Variants in FAM221B observed in about 807,000 individuals in gnomAD.
The protein encoded by FAM221B is family with sequence similarity 221 member B.
Under a neutral mutation model 39.8 loss-of-function variants are expected in FAM221B, and 35 were observed. That is an observed-to-expected ratio of 0.88 (90% CI 0.67 to 1.17). FAM221B has a LOEUF of 1.17. Among genes scored for constraint, FAM221B ranks in the 50% most tolerant of loss-of-function variants. FAM221B has a pLI of 0.00. For missense variants in FAM221B, 479 were observed against 503.1 expected (o/e 0.95, Z 0.46); for synonymous variants, 158 against 178.1 (o/e 0.89, Z 0.90).
chr9:35,826,824 T>C lies in FAM221B; in HGVS notation c.1-663A>G, dbSNP rs111597166. 7.9e-3 allele frequency: 1,212 copies of C among 152,574 alleles called. 7 individuals carry two copies. The highest frequency in any genetic ancestry group is 0.017 in the Middle Eastern group (5 of 296). The allele number at this position is 152,574 out of a possible 1,614,324, so 9.5% of individuals were successfully genotyped here. ...CTGGCCTTCTCTTCTCTTCTCTTTT[T>C]GTGATGGAGTCTCGCTCTGTTGCCC... On this transcript the variant is annotated intron_variant, in intron 1 of 6. Transcript: ENST00000423537.
In FAM221B at chr9:35,826,231, A is replaced by C. The variant is rs552491445; in HGVS notation, c.1-70T>G. 3 of 1,196,478 alleles carry C rather than the reference A, an allele frequency of 2.5e-6. No homozygotes were observed. In the East Asian group the frequency reaches 7.0e-5, roughly 28 times the overall value. 74.1% of individuals were successfully genotyped at this position (1,196,478 alleles called of 1,614,324 possible). A position where few individuals can be genotyped will look rare whatever the true frequency, so the allele number is the denominator to read the frequency against. On this transcript the variant is annotated intron_variant, in intron 1 of 6. Transcript: ENST00000423537. ...GGGCCGGCAAGTCAGGGCAGAGCCCAGGGTTCGCAGTGCATTATGGAATTT... is the reference window on the plus strand; with the variant it reads ...GGGCCGGCAAGTCAGGGCAGAGCCCCGGGTTCGCAGTGCATTATGGAATTT...
At chr9:35,818,788 G>A (rs180729015) in intron 6 of FAM221B, 102 bp downstream of exon 6, 407 of 1,472,380 alleles carry the variant, frequency 2.8e-4, no homozygotes, top group Non-Finnish European at 3.4e-4. Context: ...CTGAGGGAGC[G>A]CGCTAGTCCT....
At chr9:35,819,469 C>T (rs1829093962) in intron 4 of FAM221B, 75 bp from the exon 5 acceptor site, 6 of 1,324,370 alleles carry the variant, frequency 4.5e-6, no homozygotes, top group South Asian at 1.4e-5. Flanking sequence ...ATCCTCCATC[C>T]CCACCACCCC....
At chr9:35,826,693 T>A (rs900612094) in intron 1 of FAM221B, 1 of 155,466 alleles carries the variant, frequency 6.4e-6, no homozygotes, top group African/African-American at 2.4e-5. Context: ...TCATTCATGT[T>A]CAAAGCTTTA....
intron 3 of FAM221B, among the ~76,000 whole-genome samples, chr9:35,824,768 A>G (rs1447143248): frequency 2.8e-5 from 4 of 141,208 alleles, no homozygotes; most frequent in Non-Finnish European, 4.5e-5. Context: ...TGCAAGCTCC[A>G]CCTCCCGGGT....
At chr9:35,821,635 T>C in intron 3 of FAM221B, 1 of 1,366,034 alleles carries the variant, frequency 7.3e-7, no homozygotes, top group Non-Finnish European at 9.8e-7. Flanking sequence ...CTGTCTGGAG[T>C]AGCAGGATAC....
intron 1 of FAM221B, among the ~76,000 whole-genome samples, chr9:35,827,273 A>C (rs1289260651): frequency 6.6e-6 from 1 of 152,096 alleles, no homozygotes; most frequent in Non-Finnish European, 1.5e-5. Flanking sequence ...TCTCCCTTCC[A>C]ATTTTATTCA....
chr9:35,819,813 T>C lies in FAM221B; in HGVS notation c.853+77A>G, dbSNP rs1829106495. 4.9e-6 allele frequency: 6 copies of C among 1,225,096 alleles called. 1 individual carries two copies. The South Asian group carries it at 6.3e-5, about 13-fold the overall frequency. The allele number at this position is 1,225,096 out of a possible 1,614,324, so 75.9% of individuals were successfully genotyped here. On this transcript the variant is annotated intron_variant, in intron 4 of 6. Coordinates refer to ENST00000423537, the MANE Select transcript of FAM221B (RefSeq NM_001012446.4). ...AGCCACCGTGCCCAGCCACATGCTC[T>C]CTCTCATACTTCCCAAGACATGACA...
chr9:35,820,710 T>C (rs1007206846), intron 3 of FAM221B, among the ~76,000 whole-genome samples: 2 of 152,104 alleles, frequency 1.3e-5, no homozygotes, highest in Non-Finnish European at 2.9e-5. Flanking sequence ...CCAAAAATTA[T>C]ATATTTTGAG....
chr9:35,826,516 T>A (rs1427796887), intron 1 of FAM221B, among the ~76,000 whole-genome samples: 3 of 152,122 alleles, frequency 2.0e-5, no homozygotes, highest in Non-Finnish European at 4.4e-5. Flanking sequence ...CCTTGGCATA[T>A]CTTAAAACCC....
chr9:35,821,713 C>A, intron 3 of FAM221B: 1 of 904,642 alleles, frequency 1.1e-6, no homozygotes, highest in Non-Finnish European at 1.6e-6. Context: ...CAGTCAAGTC[C>A]AAGCACTAGT....
At chr9:35,822,568 C>T (rs1375563319) in intron 3 of FAM221B, among the ~76,000 whole-genome samples, 6 of 152,038 alleles carry the variant, frequency 3.9e-5, no homozygotes, top group Non-Finnish European at 7.4e-5. Context: ...CCACCACACC[C>T]GGCTAATTTT....
At position 35,828,090 on chromosome 9, in the gene FAM221B, G is replaced by A. The variant is rs919430021; in HGVS notation, c.-1+373C>T. Among the ~76,000 whole-genome samples the A allele has an allele frequency of 3.3e-5, 5 of 152,008 alleles. No individual in the cohort carries two copies. The highest frequency in any genetic ancestry group is 7.4e-5 in the Non-Finnish European group (5 of 67,986). ...GTGGATCACTTGAGGTCAGGAGTTC[G>A]AGACCAGCCTGGCCAACATGGTGAA... On this transcript the variant is annotated intron_variant, in intron 1 of 6. Coordinates refer to ENST00000423537, the MANE Select transcript of FAM221B (RefSeq NM_001012446.4). This position sits in a 1 kb window ranked among gnomAD's most constrained non-coding sequence, Gnocchi z 4.5.
chr9:35,827,347 T>C (rs1031591076), intron 1 of FAM221B, among the ~76,000 whole-genome samples: 5 of 152,258 alleles, frequency 3.3e-5, no homozygotes, highest in Non-Finnish European at 7.3e-5. Flanking sequence ...CACAGCATTT[T>C]AATCCATTCA....
chr9:35,825,143 C>T lies in FAM221B; in HGVS notation c.742+87G>A. On this transcript the variant is annotated intron_variant, in intron 3 of 6. Coordinates refer to ENST00000423537, the MANE Select transcript of FAM221B (RefSeq NM_001012446.4). This position sits in a 1 kb window ranked among gnomAD's most constrained non-coding sequence, Gnocchi z 4.2. ...AGCCATTTCCAAAAGGGGAAGCTAT[C>T]TGCTGAATGTTCAGGTTCCCAGATC... is the stretch of plus-strand genomic sequence containing the variant. 1 of 1,503,372 alleles carries T rather than the reference C, an allele frequency of 6.7e-7. No homozygotes were observed. Among genetic ancestry groups the T allele is most frequent in the Non-Finnish European group, 9.1e-7 (1 of 1,101,296 alleles). 93.1% of individuals were successfully genotyped at this position (1,503,372 alleles called of 1,614,324 possible).
Position 35,825,632 on chromosome 9 carries a change from C to A in FAM221B, c.530G>T (p.Gly177Val). 1 of 1,614,218 alleles carries A rather than the reference C, an allele frequency of 6.2e-7. No individual in the cohort carries two copies. Among genetic ancestry groups the A allele is most frequent in the Non-Finnish European group, 8.5e-7 (1 of 1,180,040 alleles). The part of the protein sequence containing the change: ...DTTEKQEEEA[G>V]EVEKGVDASD... The stretch of plus-strand genomic sequence containing the variant: ...GGCATCTACTCCCTTTTCAACCTCT[C>A]CTGCTTCTTCCTCCTGCTTTTCGGT... The change falls in exon 2 of 7, where the codon GGA (glycine) becomes GTA (valine). Residue 177 changes from glycine (G) to valine (V), a missense_variant. Physicochemically the swap from Gly to Val is moderately radical, Grantham distance 109. Transcript: ENST00000423537. The surrounding 1 kb of genome is among the most constrained non-coding windows in gnomAD (Gnocchi z 4.2).
intron 3 of FAM221B, among the ~76,000 whole-genome samples, chr9:35,820,984 C>T (rs889253117): frequency 6.6e-6 from 1 of 152,192 alleles, no homozygotes; most frequent in Non-Finnish European, 1.5e-5. Context: ...AGGCCCCATG[C>T]AGTGGGACTG....
Position 35,825,787 on chromosome 9 carries a change from C to T in FAM221B, c.375G>A (p.Lys125=), listed in dbSNP as rs1829329743. 1 of 1,614,032 alleles carries T rather than the reference C, an allele frequency of 6.2e-7. No homozygotes were observed. The highest frequency in any genetic ancestry group is 8.5e-7 in the Non-Finnish European group (1 of 1,180,010). The part of the protein sequence containing the change: ...YVCLSSSDTL[K]EDLSSESSSN... ...AAGAAGACTCAGAGGAGAGGTCTTC[C>T]TTCAGAGTATCAGAAGAAGACAGAC... The change falls in exon 2 of 7, where the codon AAG becomes AAA. Residue 125 remains lysine, a synonymous_variant. Transcript: ENST00000423537. This position sits in a 1 kb window ranked among gnomAD's most constrained non-coding sequence, Gnocchi z 4.2.
chr9:35,816,727 A>G lies in FAM221B; in HGVS notation c.*1742T>C, dbSNP rs1438046489. The G allele has an allele frequency of 6.6e-6, 1 of 152,224 alleles. No homozygotes were observed. Among genetic ancestry groups the G allele is most frequent in the Non-Finnish European group, 1.5e-5 (1 of 68,044 alleles). The allele number at this position is 152,224 out of a possible 1,614,324, so 9.4% of individuals were successfully genotyped here. ...CTAGAGATATAACAATCTCTTTTGT[A>G]TAGCTATATTATTGTTAGAAAATCC... is the stretch of plus-strand genomic sequence containing the variant. On this transcript the variant is annotated 3_prime_UTR_variant, in exon 7 of 7. Coordinates refer to ENST00000423537, the MANE Select transcript of FAM221B (RefSeq NM_001012446.4).
Sources: allele counts gnomAD v4.1 joint callset (sites outside exome capture counted in the v4.1 genomes callset), GRCh38; gene constraint gnomAD v4.1.1; non-coding constraint Gnocchi (gnomAD v3.1); transcripts MANE v1.5; gene names NCBI Gene and HGNC (gene_info 2026-07-23, HGNC 2026-07-21).